CILK1: variants seen among roughly 807,000 people sequenced by gnomAD.
The protein encoded by CILK1 is serine/threonine-protein kinase ICK.
CILK1 carries 47 observed loss-of-function variants against 79.2 expected under a neutral mutation model. The observed-to-expected ratio is 0.59, with a 90% CI of 0.47 to 0.76. The LOEUF (loss-of-function observed/expected upper bound fraction) is 0.76. Among genes scored for constraint, CILK1 ranks in the 30% least tolerant of loss-of-function variants. The probability of loss-of-function intolerance (pLI) is 0.00; values close to 1 mark genes in which losing one functional copy is unlikely to be tolerated. For synonymous variants in CILK1, 266 were observed against 275.9 expected (o/e 0.96, Z 0.36); for missense variants, 660 against 769.5 (o/e 0.86, Z 1.68).
chr6:53,033,215 AGACGGAAG>A (rs1581727596), intron 3 of CILK1, among the ~76,000 whole-genome samples: 1 of 152,222 alleles, frequency 6.6e-6, no homozygotes, highest in African/African-American at 2.4e-5. Flanking sequence ...GACCAGAAGG[AGACGGAAG>A]GACCCTGAAG....
At chr6:53,023,670 G>A (rs571654758) in intron 5 of CILK1, among the ~76,000 whole-genome samples, 1 of 152,304 alleles carries the variant, frequency 6.6e-6, no homozygotes, top group African/African-American at 2.4e-5. Flanking sequence ...CTAGAGCAAA[G>A]GGAGGGTGAT....
chr6:53,006,534 GT>G, intron 12 of CILK1, 97 bp from the exon 13 acceptor site: 2 of 1,383,530 alleles, frequency 1.4e-6, no homozygotes, highest in Non-Finnish European at 2.0e-6. Context: ...AACAAACTAA[GT>G]TTTTACTTTT....
Position 53,011,849 on chromosome 6 carries a change from G to A in CILK1, c.1412C>T (p.Thr471Met), listed in dbSNP as rs56164633. 2.5e-5 allele frequency: 41 copies of A among 1,614,030 alleles called. 1 individual carries two copies. Among genetic ancestry groups the A allele is most frequent in the South Asian group, 7.7e-5 (7 of 91,074 alleles). The change falls in exon 11 of 14, where the codon ACG becomes ATG. Residue 471 changes from threonine (T) to methionine (M), a missense_variant. Coordinates refer to ENST00000676107, the MANE Select transcript of CILK1 (RefSeq NM_014920.5). ...VGTGNSAPTQ[T>M]SYQRRDTPTL... ...GGGCGTGTCTCGCCGCTGATATGAC[G>A]TCTGGGTGGGGGCACTGTTTCCTGT...
At chr6:53,041,948 A>T (rs533986095) in intron 1 of CILK1, among the ~76,000 whole-genome samples, 5 of 152,116 alleles carry the variant, frequency 3.3e-5, no homozygotes, top group African/African-American at 1.2e-4. Context: ...TATAGCTCAC[A>T]TCCATTCCAA....
At chr6:53,060,867 T>C (rs1768385638) in intron 1 of CILK1, 1 of 152,222 alleles carries the variant, frequency 6.6e-6, no homozygotes, top group Admixed American at 6.5e-5. Flanking sequence ...ATCAAACTTC[T>C]GTTACTACAA....
At chr6:53,008,064 A>G (rs1035322676) in intron 12 of CILK1, among the ~76,000 whole-genome samples, 2 of 151,824 alleles carry the variant, frequency 1.3e-5, no homozygotes, top group Non-Finnish European at 2.9e-5. Flanking sequence ...TACAATAATC[A>G]TCTCAGCACT....
intron 1 of CILK1, among the ~76,000 whole-genome samples, chr6:53,051,213 TGTTAAG>T (rs1181368211): frequency 6.6e-6 from 1 of 152,256 alleles, no homozygotes; most frequent in East Asian, 1.9e-4. Flanking sequence ...TAATTTTTCT[TGTTAAG>T]GACATGTCAC....
intron 1 of CILK1, among the ~76,000 whole-genome samples, chr6:53,047,770 T>C (rs1417973217): frequency 6.6e-6 from 1 of 151,962 alleles, no homozygotes; most frequent in Non-Finnish European, 1.5e-5. Flanking sequence ...AGGTGAAATA[T>C]GATGAAAGCC....
chr6:53,014,469 A>G (rs1764777331), intron 8 of CILK1, among the ~76,000 whole-genome samples: 1 of 152,256 alleles, frequency 6.6e-6, no homozygotes, highest in African/African-American at 2.4e-5. Flanking sequence ...TACATGATAT[A>G]GTTAACCCTT....
At chr6:53,057,943 G>A (rs1244806682) in intron 1 of CILK1, 1 of 152,138 alleles carries the variant, frequency 6.6e-6, no homozygotes, top group Admixed American at 6.5e-5. Flanking sequence ...TTAAAAAAAG[G>A]GGGGAGCAGA....
At position 53,040,564 on chromosome 6, in the gene CILK1, C is replaced by T. The variant is rs551023033; in HGVS notation, c.101+572G>A. The stretch of plus-strand genomic sequence containing the variant: ...GATGAGACCCCAGCTTTGGCCAACA[C>T]CTTGACTACAGCCTCATGAGAGATA... On this transcript the variant is annotated intron_variant, in intron 2 of 13. Transcript: ENST00000676107. Among the ~76,000 whole-genome samples, 56 of 152,362 alleles carry T rather than the reference C, an allele frequency of 3.7e-4. 1 individual carries two copies. The highest frequency in any genetic ancestry group is 5.6e-4 in the Non-Finnish European group (38 of 68,040).
intron 5 of CILK1, among the ~76,000 whole-genome samples, chr6:53,027,698 C>A (rs1332639967): frequency 6.6e-6 from 1 of 152,182 alleles, no homozygotes; most frequent in Admixed American, 6.5e-5. Flanking sequence ...TTCTAAAAAT[C>A]ATTTAGCAGT....
At chr6:53,054,656 C>A (rs9463859) in intron 1 of CILK1, 10,708 of 152,348 alleles carry the variant, frequency 0.07, 960 homozygotes, top group African/African-American at 0.2. Context: ...AAGTCCCCCT[C>A]CATGCGGTCA....
chr6:53,030,810 A>C (rs1203415606), intron 5 of CILK1, among the ~76,000 whole-genome samples: 1 of 152,260 alleles, frequency 6.6e-6, no homozygotes, highest in East Asian at 1.9e-4. Context: ...AATGGTCAGA[A>C]ACAATATTTA....
At chr6:53,006,291 T>C (rs1764215111) in intron 13 of CILK1, 24 bp downstream of exon 13, 2 of 1,610,488 alleles carry the variant, frequency 1.2e-6, no homozygotes, top group Non-Finnish European at 1.7e-6. Context: ...AGTAAATTCA[T>C]GAATAATTTA....
intron 1 of CILK1, among the ~76,000 whole-genome samples, chr6:53,050,349 G>C (rs1165233474): frequency 6.6e-6 from 1 of 151,536 alleles, no homozygotes; most frequent in Non-Finnish European, 1.5e-5. Context: ...TTCTACTGCT[G>C]GGTTCTTTAC....
chr6:53,060,891 C>G (rs118034889), intron 1 of CILK1: 2 of 152,098 alleles, frequency 1.3e-5, no homozygotes, highest in South Asian at 4.1e-4. Context: ...GTTCTACCGG[C>G]CAAACAAACA....
chr6:53,034,463 G>A (rs1035915618), intron 3 of CILK1, among the ~76,000 whole-genome samples: 16 of 152,194 alleles, frequency 1.1e-4, no homozygotes, highest in Admixed American at 1.0e-3. Flanking sequence ...GGATTCCAAA[G>A]CAGAGATAGA....
intron 7 of CILK1, among the ~76,000 whole-genome samples, chr6:53,017,628 C>G (rs763913680): frequency 3.5e-4 from 53 of 152,226 alleles, no homozygotes; most frequent in Admixed American, 1.8e-3. Context: ...GAACAAGAAG[C>G]CAGAGTGAAA....
Sources: allele counts gnomAD v4.1 joint callset (sites outside exome capture counted in the v4.1 genomes callset), GRCh38; gene constraint gnomAD v4.1.1; transcripts MANE v1.5; gene names NCBI Gene and HGNC (gene_info 2026-07-23, HGNC 2026-07-21).